CEP68: variants seen among roughly 807,000 people sequenced by gnomAD.
CEP68 encodes centrosomal protein of 68 kDa.
Under a neutral mutation model 55.3 loss-of-function variants are expected in CEP68, and 26 were observed. That is an observed-to-expected ratio of 0.47 (90% CI 0.34 to 0.65). The LOEUF (loss-of-function observed/expected upper bound fraction) is 0.65. CEP68 is among the 30% of genes least tolerant of loss of function. The probability of loss-of-function intolerance (pLI) is 0.01; values close to 1 mark genes in which losing one functional copy is unlikely to be tolerated. For missense variants in CEP68, 957 were observed against 946.7 expected (o/e 1.01, Z -0.14); for synonymous variants, 402 against 383.2 (o/e 1.05, Z -0.57).
rs373947036 is a variant in CEP68, at chr2:65,069,514, G to C, written c.70G>C (p.Gly24Arg). 1.8e-5 allele frequency: 28 copies of C among 1,576,828 alleles called. No homozygotes were observed. Among genetic ancestry groups the C allele is most frequent in the Non-Finnish European group, 3.4e-6 (4 of 1,159,958 alleles). ...EDTKAQSYGR[G>R]SCRERELDIP... The stretch of plus-strand genomic sequence containing the variant: ...CACAAAGGCCCAGTCCTATGGGAGA[G>C]GGAGCTGCAGGGAGCGGGAGCTGGA... Residue 24 changes from glycine (G) to arginine (R), a missense_variant, in exon 2 of 7, where the codon GGG becomes CGG. Coordinates refer to ENST00000377990, the MANE Select transcript of CEP68 (RefSeq NM_015147.3).
intron 5 of CEP68, among the ~76,000 whole-genome samples, chr2:65,079,993 C>CG (rs1676932548): frequency 6.6e-6 from 1 of 152,004 alleles, no homozygotes; most frequent in South Asian, 2.1e-4. Context: ...ATTAGCTGGG[C>CG]GTGGTGGGGA....
At chr2:65,082,452 T>A (rs1224347392) in intron 5 of CEP68, 84 bp from the exon 6 acceptor site, 17 of 1,274,956 alleles carry the variant, frequency 1.3e-5, no homozygotes, top group Non-Finnish European at 1.8e-5. Flanking sequence ...TACTATACCC[T>A]TGTATGTTCT....
At chr2:65,073,216 G>A in intron 3 of CEP68, 1 of 570,648 alleles carries the variant, frequency 1.8e-6, no homozygotes, top group Admixed American at 2.5e-5. Flanking sequence ...CTTATAATTA[G>A]CAAGGGCTTG....
Position 65,072,937 on chromosome 2 carries a change from AAGG to A in CEP68, c.1847_1849del (p.Gly616del), listed in dbSNP as rs140943605. 3.6e-3 allele frequency: 5,735 copies of A among 1,614,212 alleles called. 188 individuals are homozygous for A. In the African/African-American group the frequency reaches 0.063, roughly 18 times the overall value. ...GATGTTGAAGGGCAGCTTCCCAGGAAAGGAGGAGAACAGGGAAAAGAATCACTG... is the reference window on the plus strand; with the variant it reads ...GATGTTGAAGGGCAGCTTCCCAGGAAAGGAGAACAGGGAAAAGAATCACTG... On this transcript the variant is annotated inframe_deletion, in exon 3 of 7. Transcript: ENST00000377990.
At chr2:65,058,477 T>C (rs2008359) in intron 1 of CEP68, among the ~76,000 whole-genome samples, 3,359 of 148,708 alleles carry the variant, frequency 0.023, 54 homozygotes, top group Non-Finnish European at 0.036. Context: ...TGACACCTTA[T>C]CCGATGGCTG....
At position 65,082,706 on chromosome 2, in the gene CEP68, C is replaced by T. The variant is rs1298773777; in HGVS notation, c.*1C>T. On this transcript the variant is annotated 3_prime_UTR_variant, in exon 6 of 7. Coordinates refer to ENST00000377990, the MANE Select transcript of CEP68 (RefSeq NM_015147.3). ...GGAGCACCCATGTGAAGGGGTTTAA[C>T]CTGGTAAGTGGAGGAACTCAAAAAG... 2 of 1,563,962 alleles carry T rather than the reference C, an allele frequency of 1.3e-6. No individual in the cohort carries two copies.
In CEP68 at chr2:65,084,387, C is replaced by G. The variant is rs1668965646; in HGVS notation, c.*753C>G. The G allele has an allele frequency of 1.3e-5, 2 of 152,222 alleles. No homozygotes were observed. The highest frequency in any genetic ancestry group is 4.1e-4 in the South Asian group (2 of 4,824). The allele number at this position is 152,222 out of a possible 1,614,324, so 9.4% of individuals were successfully genotyped here. A position where few individuals can be genotyped will look rare whatever the true frequency, so the allele number is the denominator to read the frequency against. ...GACTCCTCCCTTCACTCCTAGTCTC[C>G]CTTGGAAGAGCAGTCCAGGCTCAGG... On this transcript the variant is annotated 3_prime_UTR_variant, in exon 7 of 7. Coordinates refer to ENST00000377990, the MANE Select transcript of CEP68 (RefSeq NM_015147.3).
At position 65,071,967 on chromosome 2, in the gene CEP68, C is replaced by G; in HGVS notation, c.871C>G (p.Pro291Ala). Residue 291 changes from proline (P) to alanine (A), a missense_variant, in exon 3 of 7, where the codon CCT (proline) becomes GCT (alanine). Pro to Ala is a conservative substitution (Grantham distance 27). Transcript: ENST00000377990. Reference sequence around the variant, plus strand: ...GCCTCCATCACCCGACCGCCACTCCCCTCTCTGGAACCCAAATAAAGAGTA... The same window carrying G: ...GCCTCCATCACCCGACCGCCACTCCGCTCTCTGGAACCCAAATAAAGAGTA... ...SLPPSPDRHS[P>A]LWNPNKEYED... 1 of 1,613,062 alleles carries G rather than the reference C, an allele frequency of 6.2e-7. No homozygotes were observed. The highest frequency in any genetic ancestry group is 8.5e-7 in the Non-Finnish European group (1 of 1,180,018).
intron 4 of CEP68, among the ~76,000 whole-genome samples, 183 bp from the exon 5 acceptor site, chr2:65,077,685 G>A (rs1676828249): frequency 6.6e-6 from 1 of 152,154 alleles, no homozygotes; most frequent in African/African-American, 2.4e-5. Context: ...TATTTACCTT[G>A]GGTTCAAAGA....
Position 65,071,697 on chromosome 2 carries a change from T to G in CEP68, c.601T>G (p.Ser201Ala). The change falls in exon 3 of 7, where the codon TCC (serine) becomes GCC (alanine). Residue 201 changes from serine (S) to alanine (A), a missense_variant. Transcript: ENST00000377990. ...AQPSSCSISASSTGSSLQGHQ... is the reference protein window; with the variant it reads ...AQPSSCSISAASTGSSLQGHQ... ...GCCTTCCAGCTGCAGCATCTCTGCT[T>G]CCTCCACAGGCAGCAGTCTCCAGGG... The G allele has an allele frequency of 6.2e-7, 1 of 1,614,074 alleles. No homozygotes were observed. Among genetic ancestry groups the G allele is most frequent in the East Asian group, 2.2e-5 (1 of 44,864 alleles).
intron 4 of CEP68, chr2:65,074,895 T>C: frequency 9.8e-6 from 2 of 204,288 alleles, no homozygotes; most frequent in South Asian, 1.5e-4. Context: ...CCTCTAGTTA[T>C]GTATGGCTAT....
At chr2:65,059,083 A>G (rs1675790794) in intron 1 of CEP68, among the ~76,000 whole-genome samples, 1 of 152,212 alleles carries the variant, frequency 6.6e-6, no homozygotes, top group African/African-American at 2.4e-5. Context: ...ATCCATCCAG[A>G]AAGAAGCAGA....
Position 65,085,130 on chromosome 2 carries a change from G to A in CEP68, c.*1496G>A, listed in dbSNP as rs1668990457. ...CTTCCACTGAGTATGTTACTGAATA[G>A]CCCTTAGGAAATTAAACCCATTTAT... is the stretch of plus-strand genomic sequence containing the variant. On this transcript the variant is annotated 3_prime_UTR_variant, in exon 7 of 7. Coordinates refer to ENST00000377990, the MANE Select transcript of CEP68 (RefSeq NM_015147.3). 6.6e-6 allele frequency: 1 copy of A among 152,098 alleles called. No homozygotes were observed. Among genetic ancestry groups the A allele is most frequent in the Non-Finnish European group, 1.5e-5 (1 of 68,020 alleles). The allele number at this position is 152,098 out of a possible 1,614,324, so 9.4% of individuals were successfully genotyped here.
At position 65,072,829 on chromosome 2, in the gene CEP68, A is replaced by T; in HGVS notation, c.1733A>T (p.Gln578Leu). The change falls in exon 3 of 7, where the codon CAG becomes CTG. Residue 578 changes from glutamine (Q) to leucine (L), a missense_variant. Transcript: ENST00000377990. ...SAGEGSLGSS[Q>L]ALGVSSGLLK... ...GGGGAAGGCAGTCTGGGGAGCAGCC[A>T]GGCCCTCGGGGTCTCCTCTGGACTG... The T allele has an allele frequency of 1.2e-6, 2 of 1,614,198 alleles. No individual in the cohort carries two copies. The highest frequency in any genetic ancestry group is 1.7e-6 in the Non-Finnish European group (2 of 1,180,028).
rs771605000 is a variant in CEP68, at chr2:65,069,665, G to A, written c.221G>A (p.Gly74Asp). The A allele has an allele frequency of 6.2e-7, 1 of 1,614,034 alleles. No individual in the cohort carries two copies. Among genetic ancestry groups the A allele is most frequent in the Non-Finnish European group, 8.5e-7 (1 of 1,180,026 alleles). The part of the protein sequence containing the change: ...PTCWIGTDPG[G>D]PSRAHQPQAS... ...TGCTGGATTGGGACTGACCCTGGCGGCCCCTCTAGAGCCCACCAGCCACAG... is the reference window on the plus strand; with the variant it reads ...TGCTGGATTGGGACTGACCCTGGCGACCCCTCTAGAGCCCACCAGCCACAG... Residue 74 changes from glycine (G) to aspartate (D), a missense_variant, in exon 2 of 7, where the codon GGC becomes GAC. Transcript: ENST00000377990.
rs532746318 is a variant in CEP68 at position 65,077,289 on chromosome 2, C to T, written c.2008-579C>T. On this transcript the variant is annotated intron_variant, in intron 4 of 6. Coordinates refer to ENST00000377990, the MANE Select transcript of CEP68 (RefSeq NM_015147.3). Reference sequence around the variant, plus strand: ...CTGGGATTACAGGTGTGAGCCACCGCGCCTGGCTGACTTTACACTTCTTAA... The same window carrying T: ...CTGGGATTACAGGTGTGAGCCACCGTGCCTGGCTGACTTTACACTTCTTAA... 2.9e-4 allele frequency among the ~76,000 whole-genome samples: 44 copies of T among 152,282 alleles called. 1 individual carries two copies. The highest frequency in any genetic ancestry group is 5.3e-4 in the Non-Finnish European group (36 of 68,034).
chr2:65,069,576 C>T lies in CEP68; in HGVS notation c.132C>T (p.Arg44=). The change falls in exon 2 of 7, where the codon CGC becomes CGT. Residue 44 remains arginine (R), a synonymous_variant. Coordinates refer to ENST00000377990, the MANE Select transcript of CEP68 (RefSeq NM_015147.3). ...PGPMSGEQPP[R]LEAEGGLISP... ...CCATGAGTGGGGAGCAGCCCCCACGCCTGGAAGCTGAGGGAGGGCTCATCT... is the reference window on the plus strand; with the variant it reads ...CCATGAGTGGGGAGCAGCCCCCACGTCTGGAAGCTGAGGGAGGGCTCATCT... 6.2e-7 allele frequency: 1 copy of T among 1,613,518 alleles called. No individual in the cohort carries two copies. Among genetic ancestry groups the T allele is most frequent in the Non-Finnish European group, 8.5e-7 (1 of 1,179,598 alleles).
chr2:65,076,481 T>C (rs1676760306), intron 4 of CEP68, among the ~76,000 whole-genome samples: 1 of 152,220 alleles, frequency 6.6e-6, no homozygotes, highest in African/African-American at 2.4e-5. Flanking sequence ...AAAGTGGGAC[T>C]GTACTGCTAG....
rs34477880 is a variant in CEP68 at position 65,058,497 on chromosome 2, C to CTTTTT, written c.-47+1991_-47+1995dup. Among the ~76,000 whole-genome samples, 86 of 75,682 alleles carry CTTTTT rather than the reference C, an allele frequency of 1.1e-3. 2 individuals carry two copies. Among genetic ancestry groups the CTTTTT allele is most frequent in the Non-Finnish European group, 1.6e-3 (70 of 43,832 alleles). 49.7% of individuals were successfully genotyped at this position (75,682 alleles called of 152,430 possible). A position where few individuals can be genotyped will look rare whatever the true frequency, so the allele number is the denominator to read the frequency against. ...CCTTATCCGATGGCTGATTTTTTTC[C>CTTTTT]TTTTTTTTTTTTTTTTTTTTTTTTT... is the stretch of plus-strand genomic sequence containing the variant. On this transcript the variant is annotated intron_variant, in intron 1 of 6. Transcript: ENST00000377990.
Sources: gnomAD v4.1 joint callset for allele counts (sites outside exome capture counted in the v4.1 genomes callset) on GRCh38, gnomAD v4.1.1 for gene constraint, MANE v1.5 for transcripts, NCBI Gene and HGNC (gene_info 2026-07-23, HGNC 2026-07-21) for gene names.